GPM6B: variants seen among roughly 807,000 people sequenced by gnomAD.
GPM6B encodes glycoprotein M6B.
In GPM6B, 4 loss-of-function variants were observed where a neutral mutation model predicts 27.2. That is an observed-to-expected ratio of 0.15 (90% confidence interval 0.07 to 0.34). GPM6B has a LOEUF of 0.34. GPM6B is among the 10% of genes least tolerant of loss of function. The pLI is 1.00. For synonymous variants in GPM6B, 124 were observed against 103.1 expected, an observed-to-expected ratio of 1.20 and a Z score of -1.23; for missense variants, 183 against 261.9, an observed-to-expected ratio of 0.70 and a Z score of 2.08.
intron 1 of GPM6B, among the ~76,000 whole-genome samples, chrX:13,869,202 T>G (rs2049949834): frequency 8.9e-6 from 1 of 112,136 alleles, no homozygotes; most frequent in South Asian, 3.7e-4. Context: ...AGAAACATCA[T>G]GCTAAGTGAA....
At chrX:13,851,163 CAAAAAAA>C (rs10652819) in intron 1 of GPM6B, among the ~76,000 whole-genome samples, 1 of 60,212 alleles carries the variant, frequency 1.7e-5, no homozygotes, top group East Asian at 5.4e-4. Flanking sequence ...ACTCCATCTC[CAAAAAAA>C]AAAAAAAAAA....
intron 1 of GPM6B, among the ~76,000 whole-genome samples, chrX:13,930,582 C>G (rs1203037672): frequency 2.7e-5 from 3 of 109,395 alleles, no homozygotes; most frequent in Non-Finnish European, 5.7e-5. Context: ...CCACTGCACT[C>G]CAGCCTGGGT....
rs192809955 is a variant in GPM6B at position 13,840,123 on chromosome X, A to G, written c.-197-54315T>C. On this transcript the variant is annotated intron_variant, in intron 1 of 6. Coordinates refer to the GPM6B transcript ENST00000398361. Reference sequence around the variant, plus strand: ...AATTGGCAATGTGGACCTTATTAAAATGATAGCTTGAGAAGGCATGTAATA... The same window carrying G: ...AATTGGCAATGTGGACCTTATTAAAGTGATAGCTTGAGAAGGCATGTAATA... Among the ~76,000 whole-genome samples the G allele has an allele frequency of 4.6e-3, 520 of 112,550 alleles. 1 individual carries two copies. The highest frequency in any genetic ancestry group is 0.014 in the Middle Eastern group (3 of 219).
intron 1 of GPM6B, among the ~76,000 whole-genome samples, chrX:13,829,829 G>A (rs939082858): frequency 5.5e-5 from 6 of 108,717 alleles, no homozygotes; most frequent in Middle Eastern, 4.3e-3. Flanking sequence ...TAACACCTGG[G>A]TACTCAAGTC....
At position 13,785,739 on chromosome X, in the gene GPM6B, C is replaced by T. The variant is rs767223272; in HGVS notation, c.251G>A (p.Cys84Tyr). 8.3e-7 allele frequency: 1 copy of T among 1,209,425 alleles called. No homozygotes were observed. Among genetic ancestry groups the T allele is most frequent in the Non-Finnish European group, 1.1e-6 (1 of 894,455 alleles). ...GCAGAATAAGGCCACCCCGGAGAAG[C>T]AGAGGATGGTGGCCACCAGGGAGGC... ...PYASLVATIL[C>Y]FSGVALFCGC... The change falls in exon 3 of 8, where the codon TGC (cysteine) becomes TAC (tyrosine). Residue 84 changes from cysteine (C) to tyrosine (Y), a missense_variant. By Grantham distance (194) the Cys-to-Tyr change is radical. Transcript: ENST00000316715.
At chrX:13,910,359 C>T (rs1023305208) in intron 1 of GPM6B, among the ~76,000 whole-genome samples, 3 of 112,417 alleles carry the variant, frequency 2.7e-5, no homozygotes, top group African/African-American at 9.7e-5. Context: ...CTAGGTGACT[C>T]CACTGTACAG....
chrX:13,775,305 T>C (rs766610496), intron 7 of GPM6B, among the ~76,000 whole-genome samples: 1 of 113,361 alleles, frequency 8.8e-6, no homozygotes, highest in East Asian at 2.8e-4. Flanking sequence ...TTCGCAGTTA[T>C]TAGCAGACAT....
At chrX:13,891,612 G>A (rs993860060) in intron 1 of GPM6B, among the ~76,000 whole-genome samples, 1 of 112,401 alleles carries the variant, frequency 8.9e-6, no homozygotes, top group Non-Finnish European at 1.9e-5. Flanking sequence ...GGGAACCGAC[G>A]CACTGCTATG....
intron 7 of GPM6B, 178 bp downstream of exon 7, chrX:13,776,060 C>T (rs2048407563): frequency 6.5e-6 from 3 of 458,559 alleles, no homozygotes; most frequent in Non-Finnish European, 7.7e-6. Context: ...AGTGCCAAGG[C>T]AACCAACTAA....
intron 1 of GPM6B, among the ~76,000 whole-genome samples, chrX:13,908,664 T>C (rs773313770): frequency 1.8e-4 from 20 of 112,651 alleles, no homozygotes; most frequent in South Asian, 1.1e-3. Flanking sequence ...ACTAAGATTA[T>C]GTAAGTTGTT....
chrX:13,872,050 C>G (rs1400324957), intron 1 of GPM6B, among the ~76,000 whole-genome samples: 1 of 111,134 alleles, frequency 9.0e-6, no homozygotes, highest in Non-Finnish European at 1.9e-5. Flanking sequence ...GGTGGTGCAG[C>G]CTTTAGGCAA....
intron 1 of GPM6B, among the ~76,000 whole-genome samples, chrX:13,848,031 A>G (rs766535998): frequency 1.5e-4 from 17 of 111,973 alleles, no homozygotes; most frequent in Non-Finnish European, 5.6e-5. Context: ...TGATATACTG[A>G]TACCCCCAGC....
chrX:13,875,983 A>G (rs1344734109), intron 1 of GPM6B, among the ~76,000 whole-genome samples: 2 of 112,529 alleles, frequency 1.8e-5, no homozygotes, highest in Non-Finnish European at 3.8e-5. Flanking sequence ...ATGCTACTGA[A>G]TTGTACACTT....
chrX:13,906,984 C>T (rs2050337182), intron 1 of GPM6B, among the ~76,000 whole-genome samples: 2 of 112,357 alleles, frequency 1.8e-5, no homozygotes, highest in Admixed American at 9.4e-5. Flanking sequence ...AGAATGATCT[C>T]AACTACACAT....
intron 3 of GPM6B, chrX:13,784,012 G>C (rs187562719): frequency 5.9e-4 from 140 of 238,406 alleles, no homozygotes; most frequent in South Asian, 9.2e-4. Context: ...GCTTCTTTAG[G>C]GGGTAATCTG....
intron 2 of GPM6B, among the ~76,000 whole-genome samples, chrX:13,786,743 T>G (rs911166425): frequency 9.0e-6 from 1 of 111,410 alleles, no homozygotes; most frequent in African/African-American, 3.3e-5. Flanking sequence ...TCACTCTTAA[T>G]CTTGAAAAGA....
chrX:13,878,993 T>C (rs1452958515), intron 1 of GPM6B, among the ~76,000 whole-genome samples: 1 of 112,238 alleles, frequency 8.9e-6, no homozygotes, highest in Non-Finnish European at 1.9e-5. Context: ...ACCTGGATTT[T>C]AGCCCAGTGA....
rs185330138 is a variant in GPM6B at position 13,892,397 on chromosome X, T to C, written c.-198+45930A>G. On this transcript the variant is annotated intron_variant, in intron 1 of 6. Transcript: ENST00000398361. ...CATAGATCATAATATTTGCGGGTTT[T>C]GCCATTACTTTTAATGGTAAAAGCC... Among the ~76,000 whole-genome samples the C allele has an allele frequency of 2.6e-3, 289 of 111,543 alleles. 1 individual carries two copies. Among genetic ancestry groups the C allele is most frequent in the Admixed American group, 5.8e-3 (61 of 10,498 alleles).
At chrX:13,847,994 A>G (rs2049669986) in intron 1 of GPM6B, among the ~76,000 whole-genome samples, 1 of 111,988 alleles carries the variant, frequency 8.9e-6, no homozygotes. Context: ...GCTGTAATAT[A>G]TCACCCAGAT....
Sources: allele counts gnomAD v4.1 joint callset (sites outside exome capture counted in the v4.1 genomes callset), GRCh38; gene constraint gnomAD v4.1.1; transcripts MANE v1.5; gene names NCBI Gene and HGNC (gene_info 2026-07-23, HGNC 2026-07-21).